The following VPS13B variants were observed in gnomAD, a reference collection of about 807,000 sequenced individuals.
The protein encoded by VPS13B is vacuolar protein sorting 13 homolog B.
VPS13B carries 285 observed loss-of-function variants against 426.4 expected under a neutral mutation model. The observed-to-expected ratio is 0.67, with a 90% CI of 0.61 to 0.74. VPS13B has a LOEUF of 0.74. Ranked by LOEUF, VPS13B falls within the 30% of genes least tolerant of loss-of-function variation. The pLI is 0.00. For synonymous variants in VPS13B, 1,676 were observed against 1,676.4 expected (o/e 1.00, Z 0.01); for missense variants, 4,537 against 4,782.6 (o/e 0.95, Z 1.51).
rs147505581 is a variant in VPS13B at position 99,572,326 on chromosome 8, T to A, written c.4950-3332T>A. Among the ~76,000 whole-genome samples, 465 of 152,340 alleles carry A rather than the reference T, an allele frequency of 3.1e-3. 1 individual carries two copies. The highest frequency in any genetic ancestry group is 5.8e-3 in the Non-Finnish European group (397 of 68,018). On this transcript the variant is annotated intron_variant, in intron 31 of 61. Transcript: ENST00000357162. ...TTGAAATTAATAATTTTTTTATTAT[T>A]ATACTTTAAGTTCTAGGGTAGATGT... is the stretch of plus-strand genomic sequence containing the variant.
At chr8:99,807,965 C>G (rs1446790908) in intron 43 of VPS13B, among the ~76,000 whole-genome samples, 2 of 150,136 alleles carry the variant, frequency 1.3e-5, no homozygotes, top group Non-Finnish European at 2.9e-5. Flanking sequence ...GTTATCAGGA[C>G]TCCTCCTAAG....
At chr8:99,761,509 C>T (rs914537859) in intron 39 of VPS13B, among the ~76,000 whole-genome samples, 3 of 152,182 alleles carry the variant, frequency 2.0e-5, no homozygotes, top group African/African-American at 7.2e-5. Context: ...TCGCCTTGTA[C>T]TTAAAAACTT....
chr8:99,699,540 A>G lies in VPS13B; in HGVS notation c.6062A>G (p.Asp2021Gly). Residue 2021 changes from aspartate to glycine, a missense_variant, in exon 36 of 62, where the codon GAT (aspartate) becomes GGT (glycine). Physicochemically the swap from Asp to Gly is moderately conservative, Grantham distance 94. Transcript: ENST00000357162. The stretch of plus-strand genomic sequence containing the variant: ...ACTTCTATAGCGGATGTCAATTTGG[A>G]TATATCAAAGCCTTTGAAAGCAAAC... ...FLNGPADVNL[D>G]ISKPLKANLS... is the part of the protein sequence containing the mutation. 1 of 1,613,756 alleles carries G rather than the reference A, an allele frequency of 6.2e-7. No individual in the cohort carries two copies. Among genetic ancestry groups the G allele is most frequent in the South Asian group, 1.1e-5 (1 of 91,036 alleles).
intron 17 of VPS13B, among the ~76,000 whole-genome samples, chr8:99,254,512 T>G (rs1478054379): frequency 6.6e-6 from 1 of 151,938 alleles, no homozygotes; most frequent in African/African-American, 2.4e-5. Context: ...TATGATTTCT[T>G]TGAGTTTACT....
At chr8:99,212,471 G>A (rs1327248508) in intron 17 of VPS13B, among the ~76,000 whole-genome samples, 4 of 152,140 alleles carry the variant, frequency 2.6e-5, no homozygotes, top group Non-Finnish European at 5.9e-5. Context: ...TGCAACTGTT[G>A]CAATCATTGT....
At chr8:99,183,738 A>C (rs959824508) in intron 16 of VPS13B, among the ~76,000 whole-genome samples, 1 of 152,138 alleles carries the variant, frequency 6.6e-6, no homozygotes, top group African/African-American at 2.4e-5. Context: ...AGTAAACTAT[A>C]AGTATTCATT....
intron 19 of VPS13B, among the ~76,000 whole-genome samples, chr8:99,381,958 T>C (rs1813837203): frequency 6.6e-6 from 1 of 152,156 alleles, no homozygotes; most frequent in Non-Finnish European, 1.5e-5. Flanking sequence ...TTTTATAGTT[T>C]TGAGTTTTTA....
chr8:99,080,484 T>C (rs772410204), intron 3 of VPS13B, among the ~76,000 whole-genome samples: 6 of 152,188 alleles, frequency 3.9e-5, no homozygotes, highest in Non-Finnish European at 7.4e-5. Context: ...ACCATTTGAA[T>C]TGTTTCTCTT....
chr8:99,259,048 C>A (rs1817912227), intron 17 of VPS13B, among the ~76,000 whole-genome samples: 1 of 151,856 alleles, frequency 6.6e-6, no homozygotes, highest in Non-Finnish European at 1.5e-5. Context: ...ATTTATTGAG[C>A]ATTTACATGC....
chr8:99,529,630 A>G (rs940191383), intron 30 of VPS13B, among the ~76,000 whole-genome samples: 24 of 152,344 alleles, frequency 1.6e-4, no homozygotes, highest in Non-Finnish European at 3.4e-4. Context: ...ATTCCTGAAG[A>G]ACAAGTATAT....
intron 19 of VPS13B, among the ~76,000 whole-genome samples, chr8:99,349,327 C>A (rs1432691842): frequency 4.5e-5 from 3 of 66,136 alleles, no homozygotes; most frequent in African/African-American, 2.5e-4. Flanking sequence ...AGCGAGACTC[C>A]GTCTCAAAAA....
chr8:99,227,592 T>G (rs370067147), intron 17 of VPS13B, among the ~76,000 whole-genome samples: 4 of 152,198 alleles, frequency 2.6e-5, no homozygotes, highest in African/African-American at 9.6e-5. Context: ...TGCTTTTTTT[T>G]GGAAAATATA....
At chr8:99,407,734 A>G (rs1409047543) in intron 21 of VPS13B, among the ~76,000 whole-genome samples, 1 of 151,972 alleles carries the variant, frequency 6.6e-6, no homozygotes, top group Non-Finnish European at 1.5e-5. Flanking sequence ...TTTGTTACAT[A>G]TGTATACATG....
intron 35 of VPS13B, among the ~76,000 whole-genome samples, chr8:99,683,684 T>C (rs1831250436): frequency 6.6e-6 from 1 of 152,230 alleles, no homozygotes; most frequent in East Asian, 1.9e-4. Context: ...AGAAACTCAA[T>C]TGATTTTTGT....
chr8:99,430,722 T>G (rs890466078), intron 21 of VPS13B, among the ~76,000 whole-genome samples: 124 of 147,950 alleles, frequency 8.4e-4, no homozygotes, highest in Middle Eastern at 3.4e-3. Flanking sequence ...CAACTTTTTT[T>G]TTGTTGTTGT....
chr8:99,119,941 C>T (rs1215212709), intron 7 of VPS13B, among the ~76,000 whole-genome samples: 1 of 151,468 alleles, frequency 6.6e-6, no homozygotes, highest in East Asian at 1.9e-4. Flanking sequence ...GGCTGCAGTG[C>T]AGTGGTATGA....
At chr8:99,478,458 T>TTTTTTG (rs1819844656) in intron 24 of VPS13B, among the ~76,000 whole-genome samples, 1 of 133,304 alleles carries the variant, frequency 7.5e-6, no homozygotes. Context: ...TTTTTTTTTT[T>TTTTTTG]TTTTTTTGTT....
At chr8:99,741,045 C>A (rs1809694275) in intron 39 of VPS13B, among the ~76,000 whole-genome samples, 1 of 152,138 alleles carries the variant, frequency 6.6e-6, no homozygotes, top group Non-Finnish European at 1.5e-5. Context: ...GATAAAGAGT[C>A]AAGACCCATC....
chr8:99,817,595 T>A lies in VPS13B; in HGVS notation c.8153T>A (p.Leu2718Gln), dbSNP rs778660486. ...AGTTACTTGTCTCAAAGCATAGAAC[T>A]AAAAGTCGTTCAGCATTACATTGGT... ...ICSYLSQSIE[L>Q]KVVQHYIGQD... The change falls in exon 45 of 62, where the codon CTA becomes CAA. Residue 2718 changes from leucine (L) to glutamine (Q), a missense_variant. This residue lies in a region of VPS13B where 4,311 missense variants were observed against 4,474.3 expected (regional missense o/e 0.96). Transcript: ENST00000357162. 6.2e-7 allele frequency: 1 copy of A among 1,614,060 alleles called. No individual in the cohort carries two copies. Among genetic ancestry groups the A allele is most frequent in the Non-Finnish European group, 8.5e-7 (1 of 1,179,964 alleles).
Sources: allele counts gnomAD v4.1 joint callset (sites outside exome capture counted in the v4.1 genomes callset), GRCh38; gene constraint gnomAD v4.1.1; regional missense constraint gnomAD v4.1.1; transcripts MANE v1.5; gene names NCBI Gene and HGNC (gene_info 2026-07-23, HGNC 2026-07-21).